Variants in MCCC2 observed in about 807,000 individuals in gnomAD.
MCCC2 encodes the protein methylcrotonoyl-CoA carboxylase beta chain, mitochondrial.
MCCC2 carries 52 observed loss-of-function variants against 77.2 expected under a neutral mutation model. The ratio of observed to expected loss-of-function variants is 0.67; its 90% CI spans 0.54 to 0.85. The LOEUF (loss-of-function observed/expected upper bound fraction) is 0.85, where lower values mean the gene tolerates loss of function less well. MCCC2 is among the 40% of genes least tolerant of loss of function. MCCC2 has a pLI of 0.00. For missense variants in MCCC2, 682 were observed against 703.2 expected, an observed-to-expected ratio of 0.97 and a Z score of 0.34; for synonymous variants, 253 against 248.4, an observed-to-expected ratio of 1.02 and a Z score of -0.18.
intron 15 of MCCC2, among the ~76,000 whole-genome samples, chr5:71,650,711 C>T (rs948223594): frequency 6.6e-6 from 1 of 152,070 alleles, no homozygotes; most frequent in Non-Finnish European, 1.5e-5. Context: ...TGCAGTGGCA[C>T]GATCTCGGCT....
At chr5:71,634,462 A>G (rs371470935) in intron 8 of MCCC2, among the ~76,000 whole-genome samples, 2 of 152,222 alleles carry the variant, frequency 1.3e-5, no homozygotes, top group Non-Finnish European at 2.9e-5. Context: ...CAGAAATGAG[A>G]GGCCAGAATT....
chr5:71,628,088 C>G (rs1418399427), intron 7 of MCCC2, among the ~76,000 whole-genome samples: 2 of 152,314 alleles, frequency 1.3e-5, no homozygotes, highest in African/African-American at 4.8e-5. Context: ...AGGTGGTATG[C>G]CTGCCTCAGC....
intron 15 of MCCC2, 67 bp downstream of exon 15, chr5:71,650,250 A>G (rs894708734): frequency 1.4e-6 from 2 of 1,384,016 alleles, no homozygotes; most frequent in Non-Finnish European, 2.1e-6. Flanking sequence ...GGAGCCAAGG[A>G]GCAGCGTGCC....
intron 12 of MCCC2, among the ~76,000 whole-genome samples, chr5:71,645,756 A>C (rs1445172017): frequency 6.6e-6 from 1 of 152,268 alleles, no homozygotes; most frequent in Non-Finnish European, 1.5e-5. Context: ...TTGACGCAAC[A>C]ATAGTCTTAG....
Position 71,626,643 on chromosome 5 carries a change from G to A in MCCC2, c.628G>A (p.Ala210Thr). The change falls in exon 7 of 17, where the codon GCA (alanine) becomes ACA (threonine). Residue 210 changes from alanine (A) to threonine (T), a missense_variant. Physicochemically the swap from Ala to Thr is moderately conservative, Grantham distance 58. Coordinates refer to ENST00000340941, the MANE Select transcript of MCCC2 (RefSeq NM_022132.5). The stretch of plus-strand genomic sequence containing the variant: ...TTGTCGTGTGCTTGGATTCCAGATC[G>A]CAGTGGTCATGGGCTCCTGCACCGC... ...IMSSKNIAQI[A>T]VVMGSCTAGG... 2.5e-6 allele frequency: 4 copies of A among 1,613,280 alleles called. No individual in the cohort carries two copies. The highest frequency in any genetic ancestry group is 3.4e-6 in the Non-Finnish European group (4 of 1,179,288).
At chr5:71,594,939 C>T (rs10042886) in intron 2 of MCCC2, among the ~76,000 whole-genome samples, 5,002 of 148,958 alleles carry the variant, frequency 0.034, 116 homozygotes, top group Middle Eastern at 0.075. Context: ...TGCTCTGTCA[C>T]TCAGGCTGGG....
At chr5:71,631,963 C>T (rs1210903552) in intron 7 of MCCC2, among the ~76,000 whole-genome samples, 158 bp from the exon 8 acceptor site, 3 of 152,178 alleles carry the variant, frequency 2.0e-5, no homozygotes, top group Non-Finnish European at 2.9e-5. Flanking sequence ...ATAATAGTCT[C>T]CAGGTTTCCT....
chr5:71,596,504 T>A, intron 3 of MCCC2, 140 bp downstream of exon 3: 1 of 795,188 alleles, frequency 1.3e-6, no homozygotes, highest in Non-Finnish European at 2.1e-6. Flanking sequence ...GCCTACTATG[T>A]GTCAAGCACT....
At chr5:71,619,346 C>T (rs75183307) in intron 6 of MCCC2, among the ~76,000 whole-genome samples, 2,326 of 152,200 alleles carry the variant, frequency 0.015, 55 homozygotes, top group African/African-American at 0.053. Context: ...CTTGACCTCT[C>T]AGGTTCAAGT....
rs113173251 is a variant in MCCC2, at chr5:71,652,194, T to C, written c.1489-475T>C. ...AAATTCTTAATTAGGGGAAAATATC[T>C]CTCAGTTCTCTGGGAACTTGACTGA... is the stretch of plus-strand genomic sequence containing the variant. On this transcript the variant is annotated intron_variant, in intron 15 of 16. Coordinates refer to ENST00000340941, the MANE Select transcript of MCCC2 (RefSeq NM_022132.5). Among the ~76,000 whole-genome samples the C allele has an allele frequency of 2.1e-3, 317 of 152,344 alleles. 1 individual carries two copies. The highest frequency in any genetic ancestry group is 6.5e-3 in the African/African-American group (271 of 41,582).
intron 6 of MCCC2, among the ~76,000 whole-genome samples, chr5:71,612,665 C>A (rs4703617): frequency 0.39 from 58,714 of 152,094 alleles, 11,754 homozygotes; most frequent in Admixed American, 0.54. Flanking sequence ...CCTGGTGTTA[C>A]AATTTTTATA....
chr5:71,646,063 T>TAA (rs1463373089), intron 12 of MCCC2, 148 bp from the exon 13 acceptor site: 13 of 485,764 alleles, frequency 2.7e-5, no homozygotes, highest in East Asian at 8.3e-5. Flanking sequence ...CCATGTTTCT[T>TAA]TAAAAAAAAA....
intron 11 of MCCC2, 101 bp from the exon 12 acceptor site, chr5:71,643,718 T>C: frequency 6.2e-7 from 1 of 1,609,338 alleles, no homozygotes; most frequent in East Asian, 2.2e-5. Flanking sequence ...CATTTTAAAC[T>C]TGGATCTGAT....
chr5:71,631,457 C>A (rs1202375147), intron 7 of MCCC2, among the ~76,000 whole-genome samples: 3 of 151,720 alleles, frequency 2.0e-5, no homozygotes, highest in African/African-American at 7.3e-5. Context: ...GGGAGGAACA[C>A]ACACACAGAC....
intron 1 of MCCC2, 115 bp from the exon 2 acceptor site, chr5:71,592,783 TGCCACAGATGGGGTGGCCCAGTGTGGCG>T: frequency 1.4e-6 from 1 of 699,012 alleles, no homozygotes; most frequent in Non-Finnish European, 2.6e-6. Flanking sequence ...CCAGCGTGGC[TGCCACAGATGGGGTGGCCCAGTGTGGCG>T]GCCACACAGA....
chr5:71,591,082 C>T (rs1217152885), intron 1 of MCCC2, among the ~76,000 whole-genome samples: 1 of 152,130 alleles, frequency 6.6e-6, no homozygotes, highest in Non-Finnish European at 1.5e-5. Flanking sequence ...TCATGACCCT[C>T]AGAGCTCTTG....
Position 71,646,248 on chromosome 5 carries a change from T to C in MCCC2, c.1187T>C (p.Ile396Thr). Reference sequence around the variant, plus strand: ...GTCCAGTTATGCTGCCAAAGAAATATTCCTCTGCTGTTCCTTCAAAACATT... The same window carrying C: ...GTCCAGTTATGCTGCCAAAGAAATACTCCTCTGCTGTTCCTTCAAAACATT... ...HFVQLCCQRN[I>T]PLLFLQNITG... The change falls in exon 13 of 17, where the codon ATT becomes ACT. Residue 396 changes from isoleucine to threonine, a missense_variant. By Grantham distance (89) the Ile-to-Thr change is moderately conservative (BLOSUM62 -1). Transcript: ENST00000340941. 2 of 1,613,866 alleles carry C rather than the reference T, an allele frequency of 1.2e-6. No homozygotes were observed. Among genetic ancestry groups the C allele is most frequent in the East Asian group, 4.5e-5 (2 of 44,872 alleles).
At chr5:71,633,544 G>T (rs1394973619) in intron 8 of MCCC2, among the ~76,000 whole-genome samples, 2 of 137,490 alleles carry the variant, frequency 1.5e-5, no homozygotes, top group South Asian at 2.3e-4. Context: ...ATGATTGGGG[G>T]TGATGAATTT....
At position 71,613,944 on chromosome 5, in the gene MCCC2, C is replaced by A. The variant is rs977544335; in HGVS notation, c.624+9476C>A. 2.0e-5 allele frequency among the ~76,000 whole-genome samples: 3 copies of A among 150,198 alleles called. No individual in the cohort carries two copies. In the East Asian group the frequency reaches 5.9e-4, roughly 29 times the overall value. ...GATAACAGAAATTTCTTTTTAAATT[C>A]CAAGAGGTTCATATTATATATCTAA... On this transcript the variant is annotated intron_variant, in intron 6 of 16. Coordinates refer to ENST00000340941, the MANE Select transcript of MCCC2 (RefSeq NM_022132.5).
Sources: gnomAD v4.1 joint callset for allele counts (sites outside exome capture counted in the v4.1 genomes callset) on GRCh38, gnomAD v4.1.1 for gene constraint, MANE v1.5 for transcripts, NCBI Gene and HGNC (gene_info 2026-07-23, HGNC 2026-07-21) for gene names.